TBC1D14: variants seen among roughly 807,000 people sequenced by gnomAD.
TBC1D14 encodes the protein TBC1 domain family member 14.
Under a neutral mutation model 79.0 loss-of-function variants are expected in TBC1D14, and 26 were observed. The ratio of observed to expected loss-of-function variants is 0.33; its 90% CI spans 0.24 to 0.46. The LOEUF (loss-of-function observed/expected upper bound fraction) is 0.46. TBC1D14 is among the 20% of genes least tolerant of loss of function. TBC1D14 has a pLI of 1.00. For synonymous variants in TBC1D14, 394 were observed against 349.9 expected, an observed-to-expected ratio of 1.13 and a Z score of -1.40; for missense variants, 769 against 887.6, an observed-to-expected ratio of 0.87 and a Z score of 1.70.
At chr4:6,952,249 C>T (rs749486595) in intron 2 of TBC1D14, among the ~76,000 whole-genome samples, 4 of 152,324 alleles carry the variant, frequency 2.6e-5, no homozygotes, top group African/African-American at 4.8e-5. Context: ...GGATCCCACC[C>T]GGGGTTTATG....
At chr4:7,015,951 C>T (rs1007989420) in intron 12 of TBC1D14, among the ~76,000 whole-genome samples, 4 of 152,226 alleles carry the variant, frequency 2.6e-5, no homozygotes, top group Admixed American at 6.5e-5. Context: ...AAATGTCAAA[C>T]CACTGTGAAC....
chr4:6,976,573 C>G (rs1410665866), intron 3 of TBC1D14, among the ~76,000 whole-genome samples: 2 of 152,130 alleles, frequency 1.3e-5, no homozygotes, highest in Non-Finnish European at 2.9e-5. Flanking sequence ...AGCAAAAATG[C>G]CCTTCAGGAA....
At chr4:7,018,651 C>CT (rs1295690159) in intron 12 of TBC1D14, among the ~76,000 whole-genome samples, 1 of 152,224 alleles carries the variant, frequency 6.6e-6, no homozygotes, top group Non-Finnish European at 1.5e-5. Flanking sequence ...GGAGTCAGGG[C>CT]TGAGGGTTCG....
Position 6,996,459 on chromosome 4 carries a change from C to T in TBC1D14, c.1045+52C>T, listed in dbSNP as rs778578744. 7.3e-6 allele frequency: 10 copies of T among 1,373,020 alleles called. No homozygotes were observed. The East Asian group carries it at 1.9e-4, about 26-fold the overall frequency. The allele number at this position is 1,373,020 out of a possible 1,614,324, so 85.1% of individuals were successfully genotyped here. The stretch of plus-strand genomic sequence containing the variant: ...AAATCAGGCAGCACAGGGTTTGTGT[C>T]TTTCTGGTTATTTTCTTTTTACCAT... On this transcript the variant is annotated intron_variant, in intron 5 of 13. Transcript: ENST00000409757.
At chr4:6,957,802 C>G (rs1246830077) in intron 2 of TBC1D14, among the ~76,000 whole-genome samples, 1 of 152,132 alleles carries the variant, frequency 6.6e-6, no homozygotes, top group African/African-American at 2.4e-5. Flanking sequence ...GCTTCAGAGG[C>G]TGAGGTGGGA....
At chr4:7,016,555 A>G (rs1471366330) in intron 12 of TBC1D14, among the ~76,000 whole-genome samples, 1 of 152,216 alleles carries the variant, frequency 6.6e-6, no homozygotes, top group Non-Finnish European at 1.5e-5. Flanking sequence ...TTCTAGGCCA[A>G]AAGTCAATAG....
At chr4:6,992,600 G>A (rs1308413082) in intron 3 of TBC1D14, among the ~76,000 whole-genome samples, 1 of 152,250 alleles carries the variant, frequency 6.6e-6, no homozygotes, top group Non-Finnish European at 1.5e-5. Flanking sequence ...ACCAGGCTCA[G>A]CAGATAAGTA....
chr4:6,974,729 A>G (rs1716558389), intron 3 of TBC1D14, among the ~76,000 whole-genome samples: 1 of 152,196 alleles, frequency 6.6e-6, no homozygotes, highest in Non-Finnish European at 1.5e-5. Context: ...CATTCTCCCA[A>G]GGGTTGAGAG....
intron 2 of TBC1D14, among the ~76,000 whole-genome samples, chr4:6,939,892 C>T (rs1024746861): frequency 6.6e-6 from 1 of 152,194 alleles, no homozygotes. Context: ...TTCCGAAGGA[C>T]ACAGTGGAGA....
intron 3 of TBC1D14, chr4:6,987,256 C>T (rs1397185266): frequency 3.1e-6 from 4 of 1,273,086 alleles, no homozygotes; most frequent in East Asian, 6.4e-5. Context: ...TCCGCCCGCC[C>T]GCCCGCGGTC....
At chr4:6,945,551 C>T (rs1470850287) in intron 2 of TBC1D14, among the ~76,000 whole-genome samples, 1 of 151,936 alleles carries the variant, frequency 6.6e-6, no homozygotes, top group African/African-American at 2.4e-5. Context: ...GAGTTCGAGA[C>T]CAGCCTGACC....
intron 13 of TBC1D14, among the ~76,000 whole-genome samples, chr4:7,028,215 T>TCCACATACTGCACAC (rs1722666715): frequency 6.6e-6 from 1 of 151,710 alleles, no homozygotes; most frequent in Non-Finnish European, 1.5e-5. Context: ...TCCCTGCGCA[T>TCCACATACTGCACAC]CCACATACTG....
intron 2 of TBC1D14, among the ~76,000 whole-genome samples, chr4:6,926,602 A>G (rs1263301832): frequency 2.0e-5 from 3 of 152,228 alleles, no homozygotes; most frequent in Non-Finnish European, 4.4e-5. Flanking sequence ...GACTTAAAAC[A>G]AGTGATGACA....
intron 7 of TBC1D14, among the ~76,000 whole-genome samples, chr4:7,004,209 G>A (rs897205558): frequency 9.9e-5 from 15 of 152,218 alleles, no homozygotes; most frequent in Admixed American, 2.6e-4. Flanking sequence ...CCCGAAGAGA[G>A]CTGTCACAAA....
intron 2 of TBC1D14, among the ~76,000 whole-genome samples, chr4:6,962,181 T>A (rs1251345339): frequency 6.6e-6 from 1 of 152,186 alleles, no homozygotes; most frequent in Non-Finnish European, 1.5e-5. Flanking sequence ...AGGTGAGATA[T>A]GCCAGCACCT....
rs572468260 is a variant in TBC1D14, at chr4:7,010,293, C to T, written c.1518+345C>T. Among the ~76,000 whole-genome samples, 11 of 152,256 alleles carry T rather than the reference C, an allele frequency of 7.2e-5. No homozygotes were observed. The East Asian group carries it at 7.7e-4, about 11-fold the overall frequency. On this transcript the variant is annotated intron_variant, in intron 10 of 13. Coordinates refer to ENST00000409757, the MANE Select transcript of TBC1D14 (RefSeq NM_020773.3). Reference sequence around the variant, plus strand: ...TTCTGTGGCTTCGCGGATGTGTGTGCGCATGCATGGTTTGATATTAAGCTT... The same window carrying T: ...TTCTGTGGCTTCGCGGATGTGTGTGTGCATGCATGGTTTGATATTAAGCTT...
At chr4:6,975,753 G>A (rs1716663370) in intron 3 of TBC1D14, among the ~76,000 whole-genome samples, 1 of 152,210 alleles carries the variant, frequency 6.6e-6, no homozygotes, top group South Asian at 2.1e-4. Flanking sequence ...ATAGCAGAAT[G>A]GAGATGGTAG....
At chr4:7,001,951 A>G (rs193213644) in intron 7 of TBC1D14, among the ~76,000 whole-genome samples, 4 of 152,288 alleles carry the variant, frequency 2.6e-5, no homozygotes, top group Non-Finnish European at 4.4e-5. Flanking sequence ...AGACGGGGCT[A>G]CCTTCCTGCT....
intron 3 of TBC1D14, chr4:6,987,357 G>A: frequency 7.0e-7 from 1 of 1,423,696 alleles, no homozygotes; most frequent in Non-Finnish European, 9.2e-7. Flanking sequence ...ATGGTGAGTC[G>A]GGGTGCGGGC....
Sources: gnomAD v4.1 joint callset for allele counts (sites outside exome capture counted in the v4.1 genomes callset) on GRCh38, gnomAD v4.1.1 for gene constraint, MANE v1.5 for transcripts, NCBI Gene and HGNC (gene_info 2026-07-23, HGNC 2026-07-21) for gene names.